Variants in EYS observed in about 807,000 individuals in gnomAD.
EYS encodes the protein EGF-like photoreceptor maintenance factor.
In EYS, 250 loss-of-function variants were observed where a neutral mutation model predicts 282.1. The observed-to-expected ratio is 0.89, with a 90% CI of 0.80 to 0.98. The LOEUF is 0.98. Ranked by LOEUF, EYS falls within the 50% of genes least tolerant of loss-of-function variation. EYS has a pLI of 0.00. For synonymous variants in EYS, 1,355 were observed against 1,282.9 expected, an observed-to-expected ratio of 1.06 and a Z score of -1.20; for missense variants, 4,016 against 3,709.0, an observed-to-expected ratio of 1.08 and a Z score of -2.15.
At chr6:64,814,373 G>A (rs1379631358) in intron 21 of EYS, among the ~76,000 whole-genome samples, 2 of 152,030 alleles carry the variant, frequency 1.3e-5, no homozygotes, top group African/African-American at 4.8e-5. Flanking sequence ...GGTGTGCTAT[G>A]AGAGTTAAAT....
chr6:64,864,609 C>A (rs1383034099), intron 19 of EYS, among the ~76,000 whole-genome samples: 20 of 133,036 alleles, frequency 1.5e-4, no homozygotes, highest in Admixed American at 7.7e-5. Context: ...TAGTCTCGAT[C>A]TCCTGACCCT....
At chr6:64,114,607 A>G (rs570972788) in intron 31 of EYS, among the ~76,000 whole-genome samples, 2 of 152,218 alleles carry the variant, frequency 1.3e-5, no homozygotes. Flanking sequence ...GAAAGGGGCT[A>G]TCACTGTCAG....
intron 28 of EYS, among the ~76,000 whole-genome samples, chr6:64,421,047 A>G (rs998249775): frequency 2.0e-5 from 3 of 152,136 alleles, no homozygotes; most frequent in Non-Finnish European, 4.4e-5. Context: ...TGGTACCAAT[A>G]TACTGTATTA....
intron 2 of EYS, among the ~76,000 whole-genome samples, chr6:65,538,839 C>T (rs979713854): frequency 1.3e-5 from 2 of 152,152 alleles, no homozygotes; most frequent in African/African-American, 4.8e-5. Flanking sequence ...ACCTCACCCC[C>T]CTGCCTTCAC....
chr6:64,906,510 A>G (rs1281179907), intron 16 of EYS, among the ~76,000 whole-genome samples: 4 of 152,214 alleles, frequency 2.6e-5, no homozygotes, highest in African/African-American at 9.6e-5. Context: ...TTGTACTTGT[A>G]TACCTTAGGT....
At chr6:65,286,532 A>G (rs758230875) in intron 12 of EYS, among the ~76,000 whole-genome samples, 3 of 151,850 alleles carry the variant, frequency 2.0e-5, no homozygotes. Context: ...ATATACATAT[A>G]TCTTCAAAAT....
At chr6:64,041,413 C>T (rs1770383752) in intron 33 of EYS, among the ~76,000 whole-genome samples, 1 of 152,146 alleles carries the variant, frequency 6.6e-6, no homozygotes, top group Admixed American at 6.6e-5. Flanking sequence ...GTCTAAAATG[C>T]AGCCTTCAGT....
At chr6:65,426,766 T>C (rs1767680168) in intron 5 of EYS, among the ~76,000 whole-genome samples, 1 of 152,162 alleles carries the variant, frequency 6.6e-6, no homozygotes, top group African/African-American at 2.4e-5. Flanking sequence ...ACAATACATA[T>C]TGTAATGTAA....
At chr6:63,959,974 A>C (rs1476791678) in intron 35 of EYS, among the ~76,000 whole-genome samples, 2 of 151,996 alleles carry the variant, frequency 1.3e-5, no homozygotes, top group Non-Finnish European at 2.9e-5. Context: ...ATGTATACCT[A>C]TGTAACAAAC....
intron 22 of EYS, among the ~76,000 whole-genome samples, chr6:64,771,247 T>C (rs1026685245): frequency 4.0e-5 from 6 of 151,746 alleles, no homozygotes; most frequent in African/African-American, 1.4e-4. Context: ...CCCTTTCTTA[T>C]TCCTAGTATT....
chr6:65,604,291 G>T (rs1019999386), intron 2 of EYS, among the ~76,000 whole-genome samples: 2 of 151,798 alleles, frequency 1.3e-5, no homozygotes, highest in Admixed American at 1.3e-4. Context: ...TTCAACTTCC[G>T]ATCACATTTG....
chr6:63,894,548 G>A lies in EYS; in HGVS notation c.7056-30190C>T, dbSNP rs549026602. Among the ~76,000 whole-genome samples, 28 of 152,046 alleles carry A rather than the reference G, an allele frequency of 1.8e-4. No individual in the cohort carries two copies. In the South Asian group the frequency reaches 5.4e-3, roughly 29 times the overall value. On this transcript the variant is annotated intron_variant, in intron 35 of 42. Coordinates refer to ENST00000503581, the MANE Select transcript of EYS (RefSeq NM_001142800.2). Reference sequence around the variant, plus strand: ...TTTACATTTCTGACTTCCAGAACTGGGAGGGCATAAAATCTGTTGTTTTTT... The same window carrying A: ...TTTACATTTCTGACTTCCAGAACTGAGAGGGCATAAAATCTGTTGTTTTTT...
At chr6:65,486,658 T>A (rs143255697) in intron 5 of EYS, among the ~76,000 whole-genome samples, 1 of 152,302 alleles carries the variant, frequency 6.6e-6, no homozygotes, top group Non-Finnish European at 1.5e-5. Context: ...GGGAAGCATT[T>A]GAGGGGGCTC....
At chr6:65,266,860 T>C (rs2150262365) in intron 12 of EYS, among the ~76,000 whole-genome samples, 1 of 149,564 alleles carries the variant, frequency 6.7e-6, no homozygotes, top group Admixed American at 6.7e-5. Context: ...TTTATAGTTG[T>C]TATAAATACA....
chr6:65,148,978 C>G (rs758932399), intron 12 of EYS, among the ~76,000 whole-genome samples: 1 of 152,020 alleles, frequency 6.6e-6, no homozygotes, highest in Non-Finnish European at 1.5e-5. Flanking sequence ...TGAGGCTGCA[C>G]GGAGTGGGGA....
intron 29 of EYS, among the ~76,000 whole-genome samples, chr6:64,320,916 T>C (rs1472523667): frequency 6.6e-6 from 1 of 151,814 alleles, no homozygotes; most frequent in African/African-American, 2.4e-5. Context: ...TAACATAAAA[T>C]AAATATGCTA....
intron 31 of EYS, among the ~76,000 whole-genome samples, chr6:64,163,905 A>G (rs1485519289): frequency 6.6e-6 from 1 of 152,138 alleles, no homozygotes; most frequent in Admixed American, 6.5e-5. Context: ...ATCCTGAACT[A>G]GTTTATAAGA....
intron 26 of EYS, among the ~76,000 whole-genome samples, chr6:64,559,270 C>CGTGT (rs1491557426): frequency 4.9e-4 from 40 of 82,018 alleles, no homozygotes; most frequent in Non-Finnish European, 7.5e-4. Flanking sequence ...TGTGTGTGTG[C>CGTGT]ATGTGTGTGT....
intron 2 of EYS, among the ~76,000 whole-genome samples, chr6:65,514,312 A>T (rs1416226734): frequency 6.6e-6 from 1 of 152,210 alleles, no homozygotes; most frequent in Non-Finnish European, 1.5e-5. Flanking sequence ...ATGGAAGAAC[A>T]TTCCATGTTT....
Sources: gnomAD v4.1 joint callset for allele counts (sites outside exome capture counted in the v4.1 genomes callset) on GRCh38, gnomAD v4.1.1 for gene constraint, MANE v1.5 for transcripts, NCBI Gene and HGNC (gene_info 2026-07-23, HGNC 2026-07-21) for gene names.